The following SEMA6A variants were observed in gnomAD, a reference collection of about 807,000 sequenced individuals.
SEMA6A encodes the protein semaphorin 6A, also known as semaphorin-6A.
SEMA6A carries 25 observed loss-of-function variants against 96.8 expected under a neutral mutation model. The observed-to-expected ratio is 0.26, with a 90% CI of 0.19 to 0.36. The LOEUF is 0.36. Among genes scored for constraint, SEMA6A ranks in the 10% least tolerant of loss-of-function variants. The pLI, the probability that SEMA6A is intolerant of heterozygous loss-of-function variation, is 1.00. For synonymous variants in SEMA6A, 612 were observed against 518.0 expected, an observed-to-expected ratio of 1.18 and a Z score of -2.46; for missense variants, 1,363 against 1,323.1, an observed-to-expected ratio of 1.03 and a Z score of -0.47.
intron 18 of SEMA6A, among the ~76,000 whole-genome samples, chr5:116,456,551 A>G (rs796229815): frequency 1.4e-4 from 21 of 152,336 alleles, no homozygotes; most frequent in African/African-American, 4.3e-4. Flanking sequence ...TACTCCTGCA[A>G]AAGAATCAAC....
chr5:116,467,828 C>T, intron 17 of SEMA6A, 81 bp from the exon 18 acceptor site: 1 of 1,466,376 alleles, frequency 6.8e-7, no homozygotes, highest in East Asian at 2.4e-5. Context: ...GGAGGTGGGA[C>T]ACCCAAGCTG....
chr5:116,567,069 T>C (rs1369967140), intron 1 of SEMA6A, among the ~76,000 whole-genome samples: 6 of 152,234 alleles, frequency 3.9e-5, no homozygotes, highest in Non-Finnish European at 7.3e-5. Flanking sequence ...ATTATTAAAA[T>C]GTTAATAAGT....
chr5:116,487,633 G>A (rs1049060429), intron 9 of SEMA6A, among the ~76,000 whole-genome samples: 14 of 152,288 alleles, frequency 9.2e-5, no homozygotes, highest in African/African-American at 3.4e-4. Context: ...GGAGGCTGCA[G>A]CAGGTGAAAT....
At chr5:116,490,344 GC>G (rs1757271238) in intron 7 of SEMA6A, among the ~76,000 whole-genome samples, 1 of 151,976 alleles carries the variant, frequency 6.6e-6, no homozygotes, top group African/African-American at 2.4e-5. Flanking sequence ...TATTCCTATA[GC>G]CCCGCCTTGG....
intron 11 of SEMA6A, among the ~76,000 whole-genome samples, chr5:116,480,817 T>C (rs2278261): frequency 6.6e-6 from 1 of 152,136 alleles, no homozygotes; most frequent in Non-Finnish European, 1.5e-5. Flanking sequence ...GTTGTTTTTA[T>C]TTTTGTTTGA....
At chr5:116,513,546 G>A (rs6882841) in intron 1 of SEMA6A, among the ~76,000 whole-genome samples, 51,138 of 151,374 alleles carry the variant, frequency 0.34, 9,323 homozygotes, top group African/African-American at 0.48. Flanking sequence ...AACTCACACA[G>A]TATGTCCCCA....
At chr5:116,470,076 G>A (rs986235705) in intron 17 of SEMA6A, among the ~76,000 whole-genome samples, 4 of 152,112 alleles carry the variant, frequency 2.6e-5, no homozygotes, top group Non-Finnish European at 5.9e-5. Flanking sequence ...TGCCAGTGGT[G>A]AATTAAACAG....
At chr5:116,563,223 C>A (rs1382134370) in intron 1 of SEMA6A, among the ~76,000 whole-genome samples, 1 of 152,140 alleles carries the variant, frequency 6.6e-6, no homozygotes, top group African/African-American at 2.4e-5. Context: ...AAATCCCATT[C>A]AATCTTTGGA....
intron 1 of SEMA6A, among the ~76,000 whole-genome samples, chr5:116,559,402 G>A (rs1361319905): frequency 6.6e-6 from 1 of 152,180 alleles, no homozygotes; most frequent in African/African-American, 2.4e-5. Context: ...GAGAGGGGCC[G>A]TCAGGGTACC....
chr5:116,560,528 T>G (rs985522154), intron 1 of SEMA6A, among the ~76,000 whole-genome samples: 2 of 151,624 alleles, frequency 1.3e-5, no homozygotes, highest in South Asian at 4.2e-4. Flanking sequence ...CCACTTAGGT[T>G]GTGCCATGCA....
At position 116,477,888 on chromosome 5, in the gene SEMA6A, A is replaced by G; in HGVS notation, c.1607T>C (p.Ile536Thr). 1 of 1,613,928 alleles carries G rather than the reference A, an allele frequency of 6.2e-7. No homozygotes were observed. Among genetic ancestry groups the G allele is most frequent in the South Asian group, 1.1e-5 (1 of 91,082 alleles). The part of the protein sequence containing the change: ...IASRDPYCGW[I>T]KEGGACSHLS... ...ATGGCTGCAGGCACCACCTTCCTTT[A>G]TCCATCCACAATATGGGTCTCTGGA... Residue 536 changes from isoleucine (I) to threonine (T), a missense_variant, in exon 15 of 19, where the codon ATA (isoleucine) becomes ACA (threonine). Coordinates refer to ENST00000343348, the MANE Select transcript of SEMA6A (RefSeq NM_020796.5).
intron 3 of SEMA6A, among the ~76,000 whole-genome samples, chr5:116,499,604 CCTT>C (rs1757777109): frequency 6.6e-6 from 1 of 152,068 alleles, no homozygotes; most frequent in African/African-American, 2.4e-5. Context: ...GCATGGAACT[CCTT>C]TAAGAATTTT....
intron 18 of SEMA6A, among the ~76,000 whole-genome samples, chr5:116,465,889 A>T (rs26583): frequency 6.6e-6 from 1 of 152,268 alleles, no homozygotes; most frequent in East Asian, 1.9e-4. Context: ...CTTCTTGAGA[A>T]TACAGTCAGG....
intron 10 of SEMA6A, among the ~76,000 whole-genome samples, chr5:116,485,900 A>G (rs1561489335): frequency 6.6e-6 from 1 of 152,360 alleles, no homozygotes; most frequent in East Asian, 1.9e-4. Flanking sequence ...AGAGCTGAGT[A>G]CTAAGGAAAA....
chr5:116,460,151 G>C (rs887860303), intron 18 of SEMA6A, among the ~76,000 whole-genome samples: 7 of 152,122 alleles, frequency 4.6e-5, no homozygotes, highest in African/African-American at 1.7e-4. Context: ...TTAAAATTTT[G>C]AGGTTAAGTA....
chr5:116,484,403 G>A lies in SEMA6A; in HGVS notation c.963-1828C>T, dbSNP rs534864083. Among the ~76,000 whole-genome samples the A allele has an allele frequency of 8.6e-5, 13 of 151,192 alleles. No individual in the cohort carries two copies. The East Asian group carries it at 9.7e-4, about 11-fold the overall frequency. On this transcript the variant is annotated intron_variant, in intron 10 of 18. Transcript: ENST00000343348. The stretch of plus-strand genomic sequence containing the variant: ...TTTCCTTCATTCCTTCCCATCTTCC[G>A]TTCATTCAACATATGTTTATAGAAC...
intron 1 of SEMA6A, among the ~76,000 whole-genome samples, chr5:116,513,011 T>G (rs1196785115): frequency 6.6e-6 from 1 of 152,222 alleles, no homozygotes; most frequent in African/African-American, 2.4e-5. Flanking sequence ...TTTTACTTTT[T>G]GTGGGTACAA....
At chr5:116,509,186 G>A (rs944405667) in intron 1 of SEMA6A, among the ~76,000 whole-genome samples, 1 of 152,144 alleles carries the variant, frequency 6.6e-6, no homozygotes, top group Non-Finnish European at 1.5e-5. Flanking sequence ...TGGCACACAA[G>A]GAACATTTTA....
At chr5:116,558,009 A>T (rs1760675262) in intron 1 of SEMA6A, among the ~76,000 whole-genome samples, 1 of 152,214 alleles carries the variant, frequency 6.6e-6, no homozygotes, top group Non-Finnish European at 1.5e-5. Flanking sequence ...ACATTTTTTA[A>T]AAATCAAATC....
Sources: allele counts gnomAD v4.1 joint callset (sites outside exome capture counted in the v4.1 genomes callset), GRCh38; gene constraint gnomAD v4.1.1; transcripts MANE v1.5; gene names NCBI Gene and HGNC (gene_info 2026-07-23, HGNC 2026-07-21).